ETS1: variants seen among roughly 807,000 people sequenced by gnomAD.
ETS1 encodes protein C-ets-1.
Under a neutral mutation model 58.6 loss-of-function variants are expected in ETS1, and 15 were observed. The observed-to-expected ratio is 0.26, with a 90% CI of 0.17 to 0.39. The LOEUF (loss-of-function observed/expected upper bound fraction) is 0.39, where lower values mean the gene tolerates loss of function less well. Among genes scored for constraint, ETS1 ranks in the 10% least tolerant of loss-of-function variants. The pLI is 1.00. For synonymous variants in ETS1, 214 were observed against 218.2 expected (o/e 0.98, Z 0.17); for missense variants, 417 against 610.5 (o/e 0.68, Z 3.34).
chr11:128,563,880 C>A (rs938117613), intron 2 of ETS1, among the ~76,000 whole-genome samples: 8 of 152,180 alleles, frequency 5.3e-5, no homozygotes, highest in African/African-American at 1.9e-4. Context: ...AAAGTGTGTG[C>A]AATACCTAGG....
intron 3 of ETS1, among the ~76,000 whole-genome samples, chr11:128,518,568 C>A (rs1477396908): frequency 6.6e-6 from 1 of 152,210 alleles, no homozygotes; most frequent in African/African-American, 2.4e-5. Flanking sequence ...AGTCACACAG[C>A]TGCTAAGTGG....
At chr11:128,498,873 T>C (rs1863011606) in intron 3 of ETS1, among the ~76,000 whole-genome samples, 1 of 152,228 alleles carries the variant, frequency 6.6e-6, no homozygotes, top group Admixed American at 6.5e-5. Context: ...ATTTCCTGCA[T>C]AGATAATTAC....
chr11:128,562,050 A>G (rs962523908), intron 2 of ETS1, among the ~76,000 whole-genome samples: 1 of 152,224 alleles, frequency 6.6e-6, no homozygotes, highest in Non-Finnish European at 1.5e-5. Context: ...ATACAGGATC[A>G]TGGAAGCCAA....
At chr11:128,506,084 G>C (rs534222291) in intron 3 of ETS1, among the ~76,000 whole-genome samples, 129 of 152,244 alleles carry the variant, frequency 8.5e-4, no homozygotes, top group African/African-American at 3.0e-3. Flanking sequence ...TCAGGAATAC[G>C]AGCCCTTCTC....
chr11:128,565,266 G>A (rs1040379190), intron 2 of ETS1, among the ~76,000 whole-genome samples: 4 of 152,156 alleles, frequency 2.6e-5, no homozygotes, highest in Non-Finnish European at 5.9e-5. Flanking sequence ...CCGCCACTGA[G>A]GACACAGCGT....
chr11:128,519,921 T>G (rs1863620009), intron 3 of ETS1, among the ~76,000 whole-genome samples: 1 of 152,256 alleles, frequency 6.6e-6, no homozygotes, highest in African/African-American at 2.4e-5. Flanking sequence ...TCTTTATTTT[T>G]TCCAAGATAA....
intron 3 of ETS1, among the ~76,000 whole-genome samples, chr11:128,541,233 C>T (rs1341731800): frequency 6.6e-6 from 1 of 152,160 alleles, no homozygotes; most frequent in Non-Finnish European, 1.5e-5. Flanking sequence ...GAGACTGAAC[C>T]ACACTTCATA....
chr11:128,562,469 CT>C (rs1021293229), intron 2 of ETS1, among the ~76,000 whole-genome samples: 1 of 152,078 alleles, frequency 6.6e-6, no homozygotes, highest in Non-Finnish European at 1.5e-5. Flanking sequence ...AGGGATTCCC[CT>C]GGGCATCTTA....
Position 128,463,364 on chromosome 11 carries a change from C to T in ETS1, c.1242+145G>A. On this transcript the variant is annotated intron_variant, in intron 9 of 9. Transcript: ENST00000392668. This position sits in a 1 kb window ranked among gnomAD's most constrained non-coding sequence, Gnocchi z 4.1. ...CCAAATAATGAACCTGGAGCTCAGACAGGCTACCTAGCTTGCTCCGGGTGG... is the reference window on the plus strand; with the variant it reads ...CCAAATAATGAACCTGGAGCTCAGATAGGCTACCTAGCTTGCTCCGGGTGG... 1.6e-6 allele frequency: 1 copy of T among 631,242 alleles called. No individual in the cohort carries two copies. Among genetic ancestry groups the T allele is most frequent in the East Asian group, 2.6e-5 (1 of 38,128 alleles). 39.1% of individuals were successfully genotyped at this position (631,242 alleles called of 1,614,324 possible). A position where few individuals can be genotyped will look rare whatever the true frequency, so the allele number is the denominator to read the frequency against.
chr11:128,472,207 A>T (rs894641248), intron 8 of ETS1, among the ~76,000 whole-genome samples: 3 of 152,224 alleles, frequency 2.0e-5, no homozygotes, highest in Non-Finnish European at 4.4e-5. Context: ...GGCCTCCATA[A>T]GAAACTCCAC....
chr11:128,476,726 T>C (rs1419737654), intron 8 of ETS1, among the ~76,000 whole-genome samples: 1 of 152,286 alleles, frequency 6.6e-6, no homozygotes, highest in Non-Finnish European at 1.5e-5. Flanking sequence ...TCTCTAGGAC[T>C]GTGTTGTAAT....
intron 3 of ETS1, among the ~76,000 whole-genome samples, chr11:128,528,508 C>T (rs1156603826): frequency 6.6e-6 from 1 of 152,170 alleles, no homozygotes; most frequent in African/African-American, 2.4e-5. Flanking sequence ...GAGCACACTC[C>T]TAGTACATAT....
intron 2 of ETS1, among the ~76,000 whole-genome samples, chr11:128,558,391 T>G (rs1864348432): frequency 6.6e-6 from 1 of 152,090 alleles, no homozygotes; most frequent in Admixed American, 6.5e-5. Context: ...ACGCCTGTCA[T>G]CCCAGCACTT....
chr11:128,555,862 C>A (rs1416076834), intron 3 of ETS1, among the ~76,000 whole-genome samples: 2 of 152,144 alleles, frequency 1.3e-5, no homozygotes, highest in Non-Finnish European at 2.9e-5. Flanking sequence ...AATTGGGATC[C>A]AGGTGGGCAT....
intron 3 of ETS1, among the ~76,000 whole-genome samples, chr11:128,495,554 C>T (rs1383493199): frequency 6.6e-6 from 1 of 152,238 alleles, no homozygotes; most frequent in African/African-American, 2.4e-5. Flanking sequence ...AACCCTGACT[C>T]AACCTAATGG....
At chr11:128,498,518 C>G (rs772182218) in intron 3 of ETS1, among the ~76,000 whole-genome samples, 6 of 152,214 alleles carry the variant, frequency 3.9e-5, no homozygotes, top group Non-Finnish European at 8.8e-5. Context: ...TTTGCCGTGA[C>G]ACTTCAGAAC....
intron 3 of ETS1, chr11:128,497,583 C>T: frequency 3.0e-6 from 3 of 985,044 alleles, no homozygotes; most frequent in Non-Finnish European, 3.6e-6. Context: ...CAGGCTCACA[C>T]ATGGTTCCAA....
chr11:128,549,798 T>TAGAG lies in ETS1; in HGVS notation c.214+6492_214+6493insCTCT, dbSNP rs1169093151. Reference sequence around the variant, plus strand: ...CTGAGAGCATGGGGTCTCTGGTCTCTAACCTGGGTGTGCAGCTCTTTCTGG... The same window carrying TAGAG: ...CTGAGAGCATGGGGTCTCTGGTCTCTAGAGAACCTGGGTGTGCAGCTCTTTCTGG... On this transcript the variant is annotated intron_variant, in intron 3 of 9. Coordinates refer to ENST00000392668, the MANE Select transcript of ETS1 (RefSeq NM_001143820.2). The surrounding 1 kb of genome is among the most constrained non-coding windows in gnomAD (Gnocchi z 4.3). 3.9e-5 allele frequency among the ~76,000 whole-genome samples: 6 copies of TAGAG among 152,306 alleles called. No homozygotes were observed. The highest frequency in any genetic ancestry group is 1.4e-4 in the African/African-American group (6 of 41,580).
intron 3 of ETS1, among the ~76,000 whole-genome samples, chr11:128,507,675 A>AGG (rs1375672800): frequency 6.6e-6 from 1 of 152,158 alleles, no homozygotes; most frequent in Non-Finnish European, 1.5e-5. Context: ...TGGGGACAGG[A>AGG]GGGACATCTG....
Sources: gnomAD v4.1 joint callset for allele counts (sites outside exome capture counted in the v4.1 genomes callset) on GRCh38, gnomAD v4.1.1 for gene constraint, Gnocchi (gnomAD v3.1) non-coding constraint, MANE v1.5 for transcripts, NCBI Gene and HGNC (gene_info 2026-07-23, HGNC 2026-07-21) for gene names.